Variants in ZMYM2 observed in about 807,000 individuals in gnomAD.
The protein encoded by ZMYM2 is zinc finger MYM-type containing 2.
Under a neutral mutation model 162.8 loss-of-function variants are expected in ZMYM2, and 56 were observed. The observed-to-expected ratio is 0.34, with a 90% confidence interval of 0.28 to 0.43. The LOEUF is 0.43. ZMYM2 is among the 20% of genes least tolerant of loss of function. ZMYM2 has a pLI of 1.00. For synonymous variants in ZMYM2, 510 were observed against 541.6 expected, an observed-to-expected ratio of 0.94 and a Z score of 0.81; for missense variants, 1,275 against 1,621.8, an observed-to-expected ratio of 0.79 and a Z score of 3.67.
At chr13:20,053,236 C>T (rs1955516128) in intron 14 of ZMYM2, among the ~76,000 whole-genome samples, 1 of 152,178 alleles carries the variant, frequency 6.6e-6, no homozygotes, top group Non-Finnish European at 1.5e-5. Flanking sequence ...GCAATAAAGT[C>T]TCTGGGCTAG....
Position 20,020,209 on chromosome 13 carries a change from A to G in ZMYM2, c.1584+591A>G, listed in dbSNP as rs1951953660. ...TTTCTTGTCTAGAATCCAGTACAGG[A>G]TCATAGGCTATTATTATTCCTCTTC... On this transcript the variant is annotated intron_variant, in intron 7 of 24. Coordinates refer to ENST00000610343, the MANE Select transcript of ZMYM2 (RefSeq NM_197968.4). 3.3e-5 allele frequency among the ~76,000 whole-genome samples: 5 copies of G among 151,170 alleles called. No individual in the cohort carries two copies. The South Asian group carries it at 1.0e-3, about 32-fold the overall frequency.
At chr13:19,941,167 G>T in the ZMYM2 span, among the ~76,000 whole-genome samples, 1 of 151,950 alleles carries the variant, frequency 6.6e-6, no homozygotes, top group Non-Finnish European at 1.5e-5. Flanking sequence ...AAATTAGCTG[G>T]GTGTTGTGGT....
intron 3 of ZMYM2, among the ~76,000 whole-genome samples, chr13:19,996,881 T>C (rs1182916661): frequency 6.6e-6 from 1 of 152,060 alleles, no homozygotes; most frequent in Non-Finnish European, 1.5e-5. Flanking sequence ...AGTGAGACAT[T>C]GTCTAAAACA....
chr13:19,940,887 G>C, the ZMYM2 span, among the ~76,000 whole-genome samples: 3 of 152,156 alleles, frequency 2.0e-5, no homozygotes, highest in South Asian at 4.1e-4. Flanking sequence ...AGTTATGCCA[G>C]GCATGGGAAT....
chr13:19,922,064 C>T, the ZMYM2 span, among the ~76,000 whole-genome samples: 5 of 152,048 alleles, frequency 3.3e-5, no homozygotes, highest in African/African-American at 7.2e-5. Flanking sequence ...CAGGCACGCA[C>T]CACCACGCTC....
Position 20,083,745 on chromosome 13 carries a change from G to T in ZMYM2, c.3910G>T (p.Val1304Leu), listed in dbSNP as rs750013024. The T allele has an allele frequency of 6.2e-7, 1 of 1,603,250 alleles. No homozygotes were observed. The change falls in exon 24 of 25, where the codon GTG (valine) becomes TTG (leucine). Residue 1304 changes from valine (V) to leucine (L), a missense_variant. Around this residue, in one of 10 missense-constraint regions of ZMYM2, gnomAD observed 103 missense variants for 192.2 expected, o/e 0.54. Coordinates refer to ENST00000610343, the MANE Select transcript of ZMYM2 (RefSeq NM_197968.4). Reference protein sequence around the residue: ...ENTANPSRCPVKMFECYLSKS... With the variant: ...ENTANPSRCPLKMFECYLSKS... ...CACAGCCAATCCTTCCAGATGTCCTGTGAAAATGTTTGAATGCTACTTGTC... is the reference window on the plus strand; with the variant it reads ...CACAGCCAATCCTTCCAGATGTCCTTTGAAAATGTTTGAATGCTACTTGTC...
At chr13:20,017,678 A>G (rs760010113) in intron 6 of ZMYM2, among the ~76,000 whole-genome samples, 13 of 149,818 alleles carry the variant, frequency 8.7e-5, no homozygotes, top group Non-Finnish European at 1.3e-4. Flanking sequence ...CCCCCCACCC[A>G]GTCTGTTTTT....
chr13:19,906,200 G>C, the ZMYM2 span, among the ~76,000 whole-genome samples: 4 of 149,696 alleles, frequency 2.7e-5, no homozygotes, highest in African/African-American at 7.4e-5. Flanking sequence ...GCTTGAACCT[G>C]GGAGGTGGAG....
At chr13:19,984,070 TAGAA>T (rs1291597023) in intron 2 of ZMYM2, among the ~76,000 whole-genome samples, 3 of 152,218 alleles carry the variant, frequency 2.0e-5, no homozygotes, top group Non-Finnish European at 4.4e-5. Context: ...TAACGATACT[TAGAA>T]AGCGTTTAGA....
At chr13:19,893,004 TG>T in the ZMYM2 span, among the ~76,000 whole-genome samples, 3 of 151,266 alleles carry the variant, frequency 2.0e-5, no homozygotes, top group Non-Finnish European at 2.9e-5. Context: ...TGAGCCACCA[TG>T]CCTGGCCGGG....
At chr13:19,884,413 T>A in the ZMYM2 span, among the ~76,000 whole-genome samples, 3 of 151,956 alleles carry the variant, frequency 2.0e-5, no homozygotes, top group African/African-American at 7.3e-5. Flanking sequence ...CATCTATGAC[T>A]AACGATACAA....
At chr13:20,048,877 A>T (rs184129692) in intron 12 of ZMYM2, among the ~76,000 whole-genome samples, 1 of 151,676 alleles carries the variant, frequency 6.6e-6, no homozygotes, top group East Asian at 1.9e-4. Context: ...ACCACAAAAT[A>T]GATGATGCAG....
intron 6 of ZMYM2, among the ~76,000 whole-genome samples, chr13:20,007,435 C>A (rs1023512152): frequency 3.3e-5 from 5 of 151,998 alleles, no homozygotes; most frequent in African/African-American, 4.8e-5. Context: ...CTGCACCCGT[C>A]CAGGTTAATG....
chr13:20,022,238 T>C (rs1952178849), intron 7 of ZMYM2, among the ~76,000 whole-genome samples: 1 of 152,164 alleles, frequency 6.6e-6, no homozygotes, highest in Admixed American at 6.5e-5. Context: ...AGTTCCCTAG[T>C]TTTTGTTTGT....
chr13:19,932,617 G>A, the ZMYM2 span, among the ~76,000 whole-genome samples: 2 of 151,724 alleles, frequency 1.3e-5, no homozygotes, highest in African/African-American at 4.8e-5. Context: ...TTGCACTCCA[G>A]CCTGGGTGAC....
intron 14 of ZMYM2, among the ~76,000 whole-genome samples, chr13:20,057,640 TTTCAG>T (rs1254669106): frequency 6.6e-6 from 1 of 152,246 alleles, no homozygotes; most frequent in East Asian, 1.9e-4. Context: ...TGTGAGTTGA[TTTCAG>T]TACAGTAGTG....
the ZMYM2 span, among the ~76,000 whole-genome samples, chr13:19,894,402 A>G: frequency 6.6e-6 from 1 of 151,412 alleles, no homozygotes; most frequent in Non-Finnish European, 1.5e-5. Flanking sequence ...CTGGAATGCA[A>G]TGGCACAATC....
chr13:19,983,703 A>C (rs1369111508), intron 2 of ZMYM2, among the ~76,000 whole-genome samples: 1 of 151,952 alleles, frequency 6.6e-6, no homozygotes, highest in African/African-American at 2.4e-5. Context: ...ATCTTAGCTC[A>C]CTGCAGCCTC....
the ZMYM2 span, among the ~76,000 whole-genome samples, chr13:19,897,857 C>G: frequency 0.14 from 21,474 of 151,952 alleles, 1,890 homozygotes; most frequent in African/African-American, 0.25. Context: ...ATGAAGTAAA[C>G]TTAACAGAAT....
Sources: allele counts gnomAD v4.1 joint callset (sites outside exome capture counted in the v4.1 genomes callset), GRCh38; gene constraint gnomAD v4.1.1; regional missense constraint gnomAD v4.1.1; transcripts MANE v1.5; gene names NCBI Gene and HGNC (gene_info 2026-07-23, HGNC 2026-07-21).